Variants in GLCCI1 observed in about 807,000 individuals in gnomAD.
GLCCI1 encodes the protein glucocorticoid induced 1.
GLCCI1 carries 24 observed loss-of-function variants against 52.2 expected under a neutral mutation model. The ratio of observed to expected loss-of-function variants is 0.46; its 90% CI spans 0.33 to 0.65. The LOEUF (loss-of-function observed/expected upper bound fraction) is 0.65. Among genes scored for constraint, GLCCI1 ranks in the 30% least tolerant of loss-of-function variants. The pLI, the probability that GLCCI1 is intolerant of heterozygous loss-of-function variation, is 0.02. For synonymous variants in GLCCI1, 310 were observed against 276.5 expected (o/e 1.12, Z -1.20); for missense variants, 704 against 701.5 (o/e 1.00, Z -0.04).
intron 6 of GLCCI1, among the ~76,000 whole-genome samples, chr7:8,074,327 A>G (rs1175391465): frequency 6.6e-6 from 1 of 152,206 alleles, no homozygotes; most frequent in Non-Finnish European, 1.5e-5. Flanking sequence ...TGGAACTAAT[A>G]TATGTCATTC....
chr7:8,059,203 GAA>G (rs1242124121), intron 4 of GLCCI1, among the ~76,000 whole-genome samples: 3 of 152,124 alleles, frequency 2.0e-5, no homozygotes, highest in Non-Finnish European at 4.4e-5. Context: ...AGTAATATAT[GAA>G]AAAGAGTTAA....
chr7:8,076,235 G>T (rs1241658687), intron 6 of GLCCI1, among the ~76,000 whole-genome samples: 2 of 152,098 alleles, frequency 1.3e-5, no homozygotes, highest in Non-Finnish European at 2.9e-5. Context: ...AAGCAGATAT[G>T]ATGGGTATAC....
At chr7:7,979,338 T>A (rs1433270452) in intron 1 of GLCCI1, among the ~76,000 whole-genome samples, 1 of 151,990 alleles carries the variant, frequency 6.6e-6, no homozygotes, top group Non-Finnish European at 1.5e-5. Context: ...TAACAAATAG[T>A]GGGTCAAATT....
intron 1 of GLCCI1, among the ~76,000 whole-genome samples, chr7:8,000,669 A>AG (rs1338843770): frequency 6.6e-6 from 1 of 151,996 alleles, no homozygotes; most frequent in Non-Finnish European, 1.5e-5. Context: ...AGAAAGCAGA[A>AG]GGGGGTCATA....
At chr7:8,008,055 A>G (rs1460042054) in intron 2 of GLCCI1, among the ~76,000 whole-genome samples, 2 of 152,082 alleles carry the variant, frequency 1.3e-5, no homozygotes, top group Non-Finnish European at 2.9e-5. Flanking sequence ...TCTATTTAAC[A>G]TATGCGTTAC....
At chr7:8,082,442 G>C (rs1783015570) in intron 6 of GLCCI1, among the ~76,000 whole-genome samples, 2 of 152,160 alleles carry the variant, frequency 1.3e-5, no homozygotes, top group Middle Eastern at 3.4e-3. Context: ...CCACAGACTA[G>C]ATGTCTCCAT....
intron 6 of GLCCI1, among the ~76,000 whole-genome samples, chr7:8,073,743 T>C (rs1011311260): frequency 6.6e-6 from 1 of 152,194 alleles, no homozygotes; most frequent in Admixed American, 6.5e-5. Flanking sequence ...TTAGAAGTTA[T>C]ATAGAATGGG....
intron 2 of GLCCI1, among the ~76,000 whole-genome samples, chr7:8,007,346 G>C (rs1051862645): frequency 3.3e-5 from 5 of 152,144 alleles, no homozygotes; most frequent in African/African-American, 9.7e-5. Flanking sequence ...TACGTACGTA[G>C]TACATCGTTA....
At chr7:7,983,739 G>A (rs1039188943) in intron 1 of GLCCI1, among the ~76,000 whole-genome samples, 3 of 152,100 alleles carry the variant, frequency 2.0e-5, no homozygotes, top group Non-Finnish European at 4.4e-5. Flanking sequence ...ATCTGACAAA[G>A]GTTAAAACTA....
At chr7:8,038,856 A>G (rs562213241) in intron 3 of GLCCI1, among the ~76,000 whole-genome samples, 6 of 152,350 alleles carry the variant, frequency 3.9e-5, no homozygotes, top group East Asian at 1.9e-4. Flanking sequence ...TTTGCAAACT[A>G]TATATCTGAC....
intron 4 of GLCCI1, among the ~76,000 whole-genome samples, chr7:8,056,836 TA>T (rs1420089944): frequency 1.3e-5 from 2 of 152,126 alleles, no homozygotes; most frequent in Non-Finnish European, 2.9e-5. Context: ...ATCCTAACAA[TA>T]AAATATTAGT....
intron 3 of GLCCI1, among the ~76,000 whole-genome samples, chr7:8,024,470 G>T (rs949008167): frequency 2.6e-5 from 4 of 152,184 alleles, no homozygotes; most frequent in Non-Finnish European, 5.9e-5. Flanking sequence ...TCTCAGAGTT[G>T]AATACAGTCT....
chr7:7,975,917 A>C (rs562150926), intron 1 of GLCCI1, among the ~76,000 whole-genome samples: 1 of 152,288 alleles, frequency 6.6e-6, no homozygotes, highest in South Asian at 2.1e-4. Context: ...TAGTGAATAT[A>C]AGTGCTTTTC....
At chr7:8,004,742 A>T (rs948528855) in intron 2 of GLCCI1, among the ~76,000 whole-genome samples, 3 of 152,244 alleles carry the variant, frequency 2.0e-5, no homozygotes, top group African/African-American at 7.2e-5. Flanking sequence ...TAGATGAGAT[A>T]CACATTTATA....
chr7:8,081,867 T>C (rs769669217), intron 6 of GLCCI1, among the ~76,000 whole-genome samples: 22 of 152,216 alleles, frequency 1.4e-4, no homozygotes, highest in Non-Finnish European at 2.9e-4. Context: ...GTTATAAATA[T>C]ATAAAAATGA....
chr7:8,018,668 A>G (rs1282203224), intron 2 of GLCCI1, among the ~76,000 whole-genome samples: 1 of 152,122 alleles, frequency 6.6e-6, no homozygotes, highest in Non-Finnish European at 1.5e-5. Flanking sequence ...CCTTCTACCT[A>G]TAGGTATCCT....
At chr7:8,025,228 C>T (rs532214638) in intron 3 of GLCCI1, among the ~76,000 whole-genome samples, 3 of 152,090 alleles carry the variant, frequency 2.0e-5, no homozygotes, top group Middle Eastern at 3.4e-3. Flanking sequence ...GGAATAGGTG[C>T]AGATGAAATT....
chr7:8,082,393 T>C (rs1199426819), intron 6 of GLCCI1, among the ~76,000 whole-genome samples: 1 of 152,178 alleles, frequency 6.6e-6, no homozygotes, highest in African/African-American at 2.4e-5. Context: ...GAGATGATTG[T>C]ACTCCAGGTA....
At chr7:7,993,149 A>G (rs150929527) in intron 1 of GLCCI1, among the ~76,000 whole-genome samples, 1 of 152,136 alleles carries the variant, frequency 6.6e-6, no homozygotes, top group African/African-American at 2.4e-5. Flanking sequence ...TTTAGGAAGA[A>G]TCTGCTATTT....
Sources: gnomAD v4.1 joint callset for allele counts (sites outside exome capture counted in the v4.1 genomes callset) on GRCh38, gnomAD v4.1.1 for gene constraint, MANE v1.5 for transcripts, NCBI Gene and HGNC (gene_info 2026-07-23, HGNC 2026-07-21) for gene names.